IL23R: variants seen among roughly 807,000 people sequenced by gnomAD.
The protein encoded by IL23R is interleukin 23 receptor, also known as interleukin-23 receptor.
A neutral mutation model predicts 56.9 loss-of-function variants in IL23R; 34 were observed. The observed-to-expected ratio is 0.60, with a 90% confidence interval of 0.45 to 0.80. The LOEUF (loss-of-function observed/expected upper bound fraction) is 0.80. IL23R is among the 30% of genes least tolerant of loss of function. The pLI, the probability that IL23R is intolerant of heterozygous loss-of-function variation, is 0.00. For missense variants in IL23R, 635 were observed against 730.0 expected, an observed-to-expected ratio of 0.87 and a Z score of 1.50; for synonymous variants, 230 against 249.2, an observed-to-expected ratio of 0.92 and a Z score of 0.73.
chr1:67,165,615 A>G (rs887627116), upstream of IL23R, among the ~76,000 whole-genome samples: 2 of 152,230 alleles, frequency 1.3e-5, no homozygotes, highest in African/African-American at 4.8e-5. Flanking sequence ...TAGGCTATAC[A>G]GGAATATTAT....
chr1:67,158,012 T>C (rs1403333660), intron 1 of IL23R, among the ~76,000 whole-genome samples: 1 of 152,156 alleles, frequency 6.6e-6, no homozygotes, highest in Non-Finnish European at 1.5e-5. Context: ...GGGCAGGAGT[T>C]GGAGACCAGC....
chr1:67,138,911 G>C (rs1351568024), exon 1 of IL23R: 1 of 152,356 alleles, frequency 6.6e-6, no homozygotes. Context: ...GTGACTAATG[G>C]GAGGCCAGTC....
chr1:67,226,143 G>GGGCT (rs1435293578), intron 7 of IL23R, among the ~76,000 whole-genome samples: 1 of 152,218 alleles, frequency 6.6e-6, no homozygotes, highest in African/African-American at 2.4e-5. Context: ...GAGCACCTTG[G>GGGCT]GGCTCCAGCC....
At chr1:67,208,179 AC>A (rs1649214686) in intron 6 of IL23R, among the ~76,000 whole-genome samples, 1 of 152,240 alleles carries the variant, frequency 6.6e-6, no homozygotes, top group African/African-American at 2.4e-5. Context: ...TGATTTGGGT[AC>A]TATTAAAGGC....
intron 7 of IL23R, among the ~76,000 whole-genome samples, chr1:67,230,733 T>C (rs940734355): frequency 6.6e-6 from 1 of 152,196 alleles, no homozygotes; most frequent in African/African-American, 2.4e-5. Flanking sequence ...GCTTGACTTG[T>C]TTTTCAAGGT....
At chr1:67,181,457 T>C (rs1298689373) in intron 3 of IL23R, among the ~76,000 whole-genome samples, 1 of 152,198 alleles carries the variant, frequency 6.6e-6, no homozygotes, top group Non-Finnish European at 1.5e-5. Context: ...CATCATGTAG[T>C]TCTCGTGCCA....
chr1:67,145,371 T>C (rs1268871602), intron 1 of IL23R, among the ~76,000 whole-genome samples: 2 of 152,106 alleles, frequency 1.3e-5, no homozygotes, highest in Non-Finnish European at 2.9e-5. Context: ...AAATATTGAA[T>C]GTCTACCATA....
chr1:67,203,852 C>T (rs1648807071), intron 5 of IL23R, among the ~76,000 whole-genome samples: 1 of 152,142 alleles, frequency 6.6e-6, no homozygotes, highest in Admixed American at 6.5e-5. Flanking sequence ...GCCAAAAAAG[C>T]ATATGAGAGG....
intron 6 of IL23R, among the ~76,000 whole-genome samples, chr1:67,218,344 G>GTA (rs1442917635): frequency 9.7e-4 from 136 of 140,850 alleles, no homozygotes; most frequent in African/African-American, 3.5e-3. Flanking sequence ...GTGTGTGTGT[G>GTA]TGTGTGTGTG....
At chr1:67,184,920 T>A (rs1037741735) in intron 4 of IL23R, among the ~76,000 whole-genome samples, 5 of 152,144 alleles carry the variant, frequency 3.3e-5, no homozygotes, top group African/African-American at 1.2e-4. Context: ...ATGGATGGAA[T>A]TATTGCCCTT....
At chr1:67,249,050 A>C (rs1464151375) in intron 9 of IL23R, among the ~76,000 whole-genome samples, 1 of 152,178 alleles carries the variant, frequency 6.6e-6, no homozygotes, top group African/African-American at 2.4e-5. Context: ...AAATGCAGAA[A>C]TAACCCGCCT....
intron 6 of IL23R, among the ~76,000 whole-genome samples, chr1:67,214,029 C>G (rs1195023228): frequency 6.6e-6 from 1 of 152,104 alleles, no homozygotes; most frequent in Non-Finnish European, 1.5e-5. Context: ...TAAATCTCAG[C>G]TGGGAGGGGT....
At chr1:67,248,276 AC>A (rs1266932217) in intron 9 of IL23R, among the ~76,000 whole-genome samples, 2 of 152,094 alleles carry the variant, frequency 1.3e-5, no homozygotes. Context: ...TGGTCTTTTC[AC>A]ATATTCCCAT....
At chr1:67,177,009 C>G (rs774151744) in intron 3 of IL23R, among the ~76,000 whole-genome samples, 2 of 152,110 alleles carry the variant, frequency 1.3e-5, no homozygotes, top group African/African-American at 2.4e-5. Context: ...TTTTAATCCA[C>G]TCTATCATTG....
intron 9 of IL23R, among the ~76,000 whole-genome samples, chr1:67,241,948 T>A (rs72676093): frequency 6.6e-6 from 1 of 152,132 alleles, no homozygotes; most frequent in Non-Finnish European, 1.5e-5. Context: ...TCTCCATACA[T>A]CATAAGTGCC....
At chr1:67,223,253 C>CTAAATAAA (rs59383640) in intron 7 of IL23R, among the ~76,000 whole-genome samples, 1 of 151,156 alleles carries the variant, frequency 6.6e-6, no homozygotes, top group Non-Finnish European at 1.5e-5. Context: ...GACTCTGTCT[C>CTAAATAAA]TAAATAAATA....
intron 4 of IL23R, among the ~76,000 whole-genome samples, chr1:67,184,967 T>C (rs890616716): frequency 6.6e-6 from 1 of 152,196 alleles, no homozygotes; most frequent in African/African-American, 2.4e-5. Flanking sequence ...TTTGCCCTTC[T>C]ACCCTGTGAG....
At chr1:67,160,040 A>G (rs1646804819) in intron 1 of IL23R, among the ~76,000 whole-genome samples, 1 of 152,176 alleles carries the variant, frequency 6.6e-6, no homozygotes, top group African/African-American at 2.4e-5. Context: ...AAAAATACAG[A>G]TGAGGTTTCA....
chr1:67,154,665 A>AT (rs1646756312), intron 1 of IL23R, among the ~76,000 whole-genome samples: 1 of 151,480 alleles, frequency 6.6e-6, no homozygotes, highest in South Asian at 2.1e-4. Flanking sequence ...CCATCCCTTT[A>AT]TTTTGAGCCA....
Sources: allele counts gnomAD v4.1 joint callset (sites outside exome capture counted in the v4.1 genomes callset), GRCh38; gene constraint gnomAD v4.1.1; transcripts MANE v1.5; gene names NCBI Gene and HGNC (gene_info 2026-07-23, HGNC 2026-07-21).